PTPRM: variants seen among roughly 807,000 people sequenced by gnomAD.
PTPRM encodes the protein receptor-type tyrosine-protein phosphatase mu.
PTPRM carries 47 observed loss-of-function variants against 186.7 expected under a neutral mutation model. The observed-to-expected ratio is 0.25, with a 90% CI of 0.20 to 0.32. The LOEUF (loss-of-function observed/expected upper bound fraction) is 0.32. PTPRM is among the 10% of genes least tolerant of loss of function. The pLI, the probability that PTPRM is intolerant of heterozygous loss-of-function variation, is 1.00. For missense variants in PTPRM, 1,494 were observed against 1,865.0 expected (o/e 0.80, Z 3.66); for synonymous variants, 668 against 674.9 (o/e 0.99, Z 0.16).
chr18:7,895,683 G>T (rs931711550), intron 3 of PTPRM, among the ~76,000 whole-genome samples: 1 of 152,082 alleles, frequency 6.6e-6, no homozygotes, highest in African/African-American at 2.4e-5. Context: ...TTCTCACTTC[G>T]CTTTGGCTAC....
intron 2 of PTPRM, among the ~76,000 whole-genome samples, chr18:7,788,412 T>C (rs528505947): frequency 4.6e-5 from 7 of 152,332 alleles, no homozygotes; most frequent in African/African-American, 1.7e-4. Context: ...GTATGAGTAG[T>C]ATTCATATAC....
intron 20 of PTPRM, among the ~76,000 whole-genome samples, chr18:8,312,222 T>C (rs2095274205): frequency 6.6e-6 from 1 of 152,176 alleles, no homozygotes; most frequent in Non-Finnish European, 1.5e-5. Flanking sequence ...TGTGCAGTAG[T>C]TGCATGTAGG....
chr18:8,134,334 C>T (rs998535274), intron 13 of PTPRM, among the ~76,000 whole-genome samples: 1 of 152,082 alleles, frequency 6.6e-6, no homozygotes, highest in Non-Finnish European at 1.5e-5. Flanking sequence ...TGTCAAATGC[C>T]CACCGTGTTA....
At chr18:8,078,101 G>T (rs1456978124) in intron 9 of PTPRM, among the ~76,000 whole-genome samples, 1 of 152,194 alleles carries the variant, frequency 6.6e-6, no homozygotes. Context: ...GGAAATATGT[G>T]ATCCAGGCCA....
At chr18:7,896,483 C>G (rs2049363765) in intron 3 of PTPRM, among the ~76,000 whole-genome samples, 1 of 149,544 alleles carries the variant, frequency 6.7e-6, no homozygotes, top group Non-Finnish European at 1.5e-5. Flanking sequence ...AGGCAGTGAT[C>G]TTTGATATAA....
intron 13 of PTPRM, among the ~76,000 whole-genome samples, chr18:8,133,929 A>T (rs1053655391): frequency 6.6e-6 from 1 of 152,196 alleles, no homozygotes. Context: ...ATAAAAATCC[A>T]GAAGAGAAAT....
At chr18:7,866,762 G>C (rs542975914) in intron 2 of PTPRM, among the ~76,000 whole-genome samples, 45 of 152,254 alleles carry the variant, frequency 3.0e-4, no homozygotes, top group African/African-American at 9.9e-4. Context: ...CTTTCTAGTT[G>C]ATCTGTCTAA....
intron 2 of PTPRM, among the ~76,000 whole-genome samples, chr18:7,834,022 G>C (rs1161239133): frequency 6.6e-6 from 1 of 152,080 alleles, no homozygotes; most frequent in Non-Finnish European, 1.5e-5. Context: ...GAAAGAGGGA[G>C]TTCTTGTCAT....
chr18:8,198,919 A>G (rs1405309676), intron 14 of PTPRM, among the ~76,000 whole-genome samples: 1 of 152,168 alleles, frequency 6.6e-6, no homozygotes, highest in African/African-American at 2.4e-5. Context: ...ATTATTGAGC[A>G]GACAAACTCA....
chr18:8,251,466 A>G (rs973470033), intron 17 of PTPRM: 77 of 152,242 alleles, frequency 5.1e-4, no homozygotes, highest in African/African-American at 1.9e-3. Context: ...GTTGCCAGCA[A>G]GCAAATCTGA....
intron 1 of PTPRM, among the ~76,000 whole-genome samples, chr18:7,747,002 C>G (rs1480210669): frequency 6.6e-6 from 1 of 152,146 alleles, no homozygotes; most frequent in African/African-American, 2.4e-5. Flanking sequence ...CTGTTTCTCA[C>G]TCTCAGTGAA....
chr18:8,277,297 ATGT>A (rs1415189996), intron 19 of PTPRM, among the ~76,000 whole-genome samples: 2 of 152,188 alleles, frequency 1.3e-5, no homozygotes, highest in African/African-American at 4.8e-5. Context: ...CAACTATATG[ATGT>A]TGATGTTAGG....
At chr18:7,600,199 G>A (rs773733780) in intron 1 of PTPRM, among the ~76,000 whole-genome samples, 3 of 148,016 alleles carry the variant, frequency 2.0e-5, no homozygotes, top group Non-Finnish European at 4.5e-5. Flanking sequence ...TGTGTAGAGC[G>A]GGGAGAATAG....
chr18:8,051,538 A>G (rs2087499510), intron 7 of PTPRM, among the ~76,000 whole-genome samples: 2 of 152,158 alleles, frequency 1.3e-5, no homozygotes, highest in African/African-American at 4.8e-5. Flanking sequence ...GTTTTATCGC[A>G]TACGTATGTA....
intron 1 of PTPRM, among the ~76,000 whole-genome samples, chr18:7,706,357 G>A (rs1438351707): frequency 6.6e-6 from 1 of 151,638 alleles, no homozygotes; most frequent in Non-Finnish European, 1.5e-5. Flanking sequence ...TAAAACTTTG[G>A]GAGCCAAGAT....
chr18:8,056,602 A>G (rs2087963815), intron 7 of PTPRM, among the ~76,000 whole-genome samples: 1 of 152,246 alleles, frequency 6.6e-6, no homozygotes, highest in East Asian at 1.9e-4. Context: ...AGCCTGGGCG[A>G]AAGAGTGAAA....
intron 1 of PTPRM, among the ~76,000 whole-genome samples, chr18:7,606,164 G>A (rs2037526411): frequency 6.6e-6 from 1 of 152,028 alleles, no homozygotes; most frequent in Non-Finnish European, 1.5e-5. Context: ...GGCCTGCACT[G>A]GGTGTTTGGA....
chr18:7,804,251 G>T (rs78898835), intron 2 of PTPRM, among the ~76,000 whole-genome samples: 1 of 152,086 alleles, frequency 6.6e-6, no homozygotes, highest in Admixed American at 6.6e-5. Context: ...CAACACTGAG[G>T]GGGGTGGGCT....
intron 7 of PTPRM, among the ~76,000 whole-genome samples, chr18:8,029,201 TCCACCTGTCCTGCCTGGAGTGCCCCTCCC>T (rs1568212807): frequency 3.0e-5 from 4 of 133,968 alleles, no homozygotes; most frequent in Non-Finnish European, 4.8e-5. Context: ...GTGCCTCTCC[TCCACCTGTCCTGCCTGGAGTGCCCCTCCC>T]CCACCTGTCC....
Sources: gnomAD v4.1 joint callset for allele counts (sites outside exome capture counted in the v4.1 genomes callset) on GRCh38, gnomAD v4.1.1 for gene constraint, MANE v1.5 for transcripts, NCBI Gene and HGNC (gene_info 2026-07-23, HGNC 2026-07-21) for gene names.